PCDHGA9: variants seen among roughly 807,000 people sequenced by gnomAD.
PCDHGA9 encodes protocadherin gamma-A9.
A neutral mutation model predicts 62.5 loss-of-function variants in PCDHGA9; 37 were observed. The observed-to-expected ratio is 0.59, with a 90% confidence interval of 0.46 to 0.78. The LOEUF (loss-of-function observed/expected upper bound fraction) is 0.78. PCDHGA9 is among the 30% of genes least tolerant of loss of function. The probability of loss-of-function intolerance (pLI) is 0.00; values close to 1 mark genes in which losing one functional copy is unlikely to be tolerated. For synonymous variants in PCDHGA9, 459 were observed against 484.6 expected, an observed-to-expected ratio of 0.95 and a Z score of 0.69; for missense variants, 1,138 against 1,166.2, an observed-to-expected ratio of 0.98 and a Z score of 0.35.
At chr5:141,478,884 C>A in intron 1 of PCDHGA9, 1 of 1,194,298 alleles carries the variant, frequency 8.4e-7, no homozygotes, top group Non-Finnish European at 1.1e-6. Flanking sequence ...AGCTTGGTAT[C>A]ATTTACATTA....
At chr5:141,428,022 G>A (rs1439933482) in intron 1 of PCDHGA9, 11 of 1,605,558 alleles carry the variant, frequency 6.9e-6, no homozygotes, top group South Asian at 1.1e-5. Context: ...GCCACGCGCC[G>A]CAGAGTCCGG....
chr5:141,417,884 C>A, intron 1 of PCDHGA9: 2 of 1,561,600 alleles, frequency 1.3e-6, no homozygotes, highest in East Asian at 2.4e-5. Flanking sequence ...CGCGCAGAGG[C>A]GCCGGGCCGG....
At chr5:141,470,201 G>C (rs2154570565) in intron 1 of PCDHGA9, among the ~76,000 whole-genome samples, 1 of 152,274 alleles carries the variant, frequency 6.6e-6, no homozygotes, top group Non-Finnish European at 1.5e-5. Flanking sequence ...AGATAAATAT[G>C]AAGGCTAAAC....
At chr5:141,441,173 C>G (rs2098230611) in intron 1 of PCDHGA9, 1 of 152,180 alleles carries the variant, frequency 6.6e-6, no homozygotes, top group South Asian at 2.1e-4. Context: ...ATTTTTACTT[C>G]TAATTCCACA....
At chr5:141,410,363 C>T (rs1341289640) in intron 1 of PCDHGA9, 6 of 1,614,068 alleles carry the variant, frequency 3.7e-6, no homozygotes, top group Non-Finnish European at 3.4e-6. Flanking sequence ...CTCTCTCAGC[C>T]CTGCTACTTG....
At chr5:141,466,146 T>C (rs977109086) in intron 1 of PCDHGA9, among the ~76,000 whole-genome samples, 5 of 151,880 alleles carry the variant, frequency 3.3e-5, no homozygotes, top group Non-Finnish European at 7.4e-5. Context: ...GTGAAAACTC[T>C]GGTCTTAAAC....
Position 141,491,245 on chromosome 5 carries a change from G to A in PCDHGA9, c.2425-3562G>A, listed in dbSNP as rs1171588507. ...CACAGTGCTGCTGGTTCTGGAGGATGAGGACCCTGAGGAAATGCCCAAATC... is the reference window on the plus strand; with the variant it reads ...CACAGTGCTGCTGGTTCTGGAGGATAAGGACCCTGAGGAAATGCCCAAATC... On this transcript the variant is annotated intron_variant, in intron 1 of 3. Transcript: ENST00000573521. The surrounding 1 kb of genome is among the most constrained non-coding windows in gnomAD (Gnocchi z 6.9). 2 of 1,614,086 alleles carry A rather than the reference G, an allele frequency of 1.2e-6. No individual in the cohort carries two copies. Among genetic ancestry groups the A allele is most frequent in the East Asian group, 4.5e-5 (2 of 44,888 alleles).
At chr5:141,406,371 C>T (rs893677721) in intron 1 of PCDHGA9, among the ~76,000 whole-genome samples, 1 of 152,154 alleles carries the variant, frequency 6.6e-6, no homozygotes, top group African/African-American at 2.4e-5. Context: ...TAAGGGTAAA[C>T]TGATAAAAAG....
intron 1 of PCDHGA9, among the ~76,000 whole-genome samples, chr5:141,445,263 C>T (rs1170484721): frequency 1.3e-5 from 2 of 152,152 alleles, no homozygotes; most frequent in African/African-American, 2.4e-5. Context: ...GAATATAAGT[C>T]GAAACCACTC....
intron 1 of PCDHGA9, chr5:141,422,645 T>C: frequency 6.2e-7 from 1 of 1,612,232 alleles, no homozygotes; most frequent in Non-Finnish European, 8.5e-7. Flanking sequence ...GCCTCCATCT[T>C]CTCAGTGACC....
At chr5:141,473,169 C>T (rs141382764) in intron 1 of PCDHGA9, among the ~76,000 whole-genome samples, 2 of 152,286 alleles carry the variant, frequency 1.3e-5, no homozygotes, top group East Asian at 3.9e-4. Context: ...GGAAGGCCCA[C>T]TGGTAACTTG....
At chr5:141,503,133 C>A (rs1164077875) in intron 2 of PCDHGA9, among the ~76,000 whole-genome samples, 1 of 152,002 alleles carries the variant, frequency 6.6e-6, no homozygotes, top group Non-Finnish European at 1.5e-5. Context: ...CTGGTAGCCC[C>A]TGACACAGCC....
intron 1 of PCDHGA9, among the ~76,000 whole-genome samples, chr5:141,454,222 T>C (rs1411974754): frequency 6.6e-6 from 1 of 152,118 alleles, no homozygotes; most frequent in African/African-American, 2.4e-5. Flanking sequence ...ATGAGAAAAG[T>C]AATTGTGATG....
At chr5:141,506,351 A>G (rs1029519620) in intron 3 of PCDHGA9, among the ~76,000 whole-genome samples, 2 of 150,784 alleles carry the variant, frequency 1.3e-5, no homozygotes, top group African/African-American at 4.9e-5. Context: ...TGGGAGGCTG[A>G]GGCAGGAGAA....
Position 141,432,979 on chromosome 5 carries a change from TGTGGGC to T in PCDHGA9, c.2424+27608_2424+27613del. 1 of 1,614,228 alleles carries T rather than the reference TGTGGGC, an allele frequency of 6.2e-7. No individual in the cohort carries two copies. On this transcript the variant is annotated intron_variant, in intron 1 of 3. Coordinates refer to ENST00000573521, the MANE Select transcript of PCDHGA9 (RefSeq NM_018921.3). The surrounding 1 kb of genome is among the most constrained non-coding windows in gnomAD (Gnocchi z 6.0). ...TGACAGGAGCGCCGGCGTCGCACTTTGTGGGCGTGGACGGGGTGCAGGCTTTCCTGC... is the reference window on the plus strand; with the variant it reads ...TGACAGGAGCGCCGGCGTCGCACTTTGTGGACGGGGTGCAGGCTTTCCTGC...
Position 141,511,002 on chromosome 5 carries a change from C to A in PCDHGA9, c.2628C>A (p.Ser876Arg), listed in dbSNP as rs143630962. The change falls in exon 4 of 4, where the codon AGC becomes AGA. Residue 876 changes from serine to arginine, a missense_variant. Physicochemically the swap from Ser to Arg is moderately radical, Grantham distance 110. Transcript: ENST00000573521. Reference protein sequence around the residue: ...LGGGAGTMGLSARYGPQFTLQ... With the variant: ...LGGGAGTMGLRARYGPQFTLQ... ...GGGGTGCCGGCACCATGGGATTGAG[C>A]GCCCGCTACGGACCCCAGTTCACCC... The A allele has an allele frequency of 8.7e-6, 14 of 1,614,140 alleles. No homozygotes were observed. The highest frequency in any genetic ancestry group is 1.2e-5 in the Non-Finnish European group (14 of 1,180,018).
chr5:141,426,297 G>T (rs1056504791), intron 1 of PCDHGA9: 3 of 171,478 alleles, frequency 1.7e-5, no homozygotes, highest in African/African-American at 7.1e-5. Context: ...TGGGAAACAG[G>T]GTGAAGCAGA....
At chr5:141,505,143 CAG>C (rs1332770308) in intron 2 of PCDHGA9, among the ~76,000 whole-genome samples, 1 of 152,172 alleles carries the variant, frequency 6.6e-6, no homozygotes, top group Non-Finnish European at 1.5e-5. Context: ...GCCTGGATGA[CAG>C]AGTAAGACCC....
intron 1 of PCDHGA9, among the ~76,000 whole-genome samples, chr5:141,438,511 C>G (rs1436337566): frequency 6.8e-6 from 1 of 146,550 alleles, no homozygotes; most frequent in Non-Finnish European, 1.5e-5. Context: ...AGTGCAAAAC[C>G]AATTATTTTA....
Sources: gnomAD v4.1 joint callset for allele counts (sites outside exome capture counted in the v4.1 genomes callset) on GRCh38, gnomAD v4.1.1 for gene constraint, Gnocchi (gnomAD v3.1) non-coding constraint, MANE v1.5 for transcripts, NCBI Gene and HGNC (gene_info 2026-07-23, HGNC 2026-07-21) for gene names.